CADM2: variants seen among roughly 807,000 people sequenced by gnomAD.
CADM2 encodes the protein cell adhesion molecule 2, also known as immunoglobulin superfamily member 4D.
Under a neutral mutation model 49.8 loss-of-function variants are expected in CADM2, and 12 were observed. That is an observed-to-expected ratio of 0.24 (90% CI 0.15 to 0.39). The LOEUF is 0.39. Among genes scored for constraint, CADM2 ranks in the 10% least tolerant of loss-of-function variants. CADM2 has a pLI of 1.00. For synonymous variants in CADM2, 214 were observed against 175.4 expected, an observed-to-expected ratio of 1.22 and a Z score of -1.74; for missense variants, 378 against 492.3, an observed-to-expected ratio of 0.77 and a Z score of 2.20.
chr3:85,805,929 T>G (rs1164078212), intron 3 of CADM2, among the ~76,000 whole-genome samples: 1 of 152,238 alleles, frequency 6.6e-6, no homozygotes, highest in African/African-American at 2.4e-5. Context: ...TCTCAGATTG[T>G]GCTTCCAGTG....
intron 1 of CADM2, among the ~76,000 whole-genome samples, chr3:85,291,873 G>A (rs2043807680): frequency 6.7e-6 from 1 of 150,062 alleles, no homozygotes; most frequent in Non-Finnish European, 1.5e-5. Context: ...GGAAGAAACT[G>A]CATCAACTAA....
intron 1 of CADM2, among the ~76,000 whole-genome samples, chr3:85,125,748 A>T (rs1179307322): frequency 6.6e-6 from 1 of 152,212 alleles, no homozygotes; most frequent in Non-Finnish European, 1.5e-5. Context: ...ATAATTCATA[A>T]CTGTAGCATC....
At chr3:85,429,955 T>C (rs1259867486) in intron 1 of CADM2, among the ~76,000 whole-genome samples, 1 of 152,168 alleles carries the variant, frequency 6.6e-6, no homozygotes, top group East Asian at 1.9e-4. Flanking sequence ...TGAGTTCTGA[T>C]TTAAAATGGT....
At chr3:85,287,143 G>A (rs985240111) in intron 1 of CADM2, among the ~76,000 whole-genome samples, 1 of 152,028 alleles carries the variant, frequency 6.6e-6, no homozygotes, top group African/African-American at 2.4e-5. Context: ...GCAACCTCTT[G>A]AATAAGAAAT....
chr3:85,994,547 A>G (rs1449751554), intron 8 of CADM2: 2 of 152,258 alleles, frequency 1.3e-5, no homozygotes, highest in Admixed American at 6.5e-5. Flanking sequence ...CAAGACGTGT[A>G]GCTTTCAGCC....
intron 1 of CADM2, among the ~76,000 whole-genome samples, chr3:85,298,031 G>A (rs58725437): frequency 0.066 from 10,052 of 151,982 alleles, 1,090 homozygotes; most frequent in African/African-American, 0.23. Context: ...TCAAAATGAT[G>A]TTCCAGTTTA....
At chr3:85,140,878 T>A (rs1387653052) in intron 1 of CADM2, among the ~76,000 whole-genome samples, 2 of 152,216 alleles carry the variant, frequency 1.3e-5, no homozygotes, top group Non-Finnish European at 1.5e-5. Flanking sequence ...ACTTTGGTTA[T>A]CTAAATTAGC....
chr3:85,757,883 G>C (rs1289043067), intron 2 of CADM2, among the ~76,000 whole-genome samples: 2 of 152,124 alleles, frequency 1.3e-5, no homozygotes, highest in African/African-American at 4.8e-5. Context: ...AGTTTTAGTA[G>C]AGTGGGTTAC....
At chr3:85,855,585 C>CATATATATATATAAAACAT (rs1213391570) in intron 3 of CADM2, among the ~76,000 whole-genome samples, 13 of 120,176 alleles carry the variant, frequency 1.1e-4, no homozygotes, top group East Asian at 7.0e-4. Context: ...ATATAAAAAA[C>CATATATATATATAAAACAT]ATATATATAT....
chr3:85,223,401 C>A (rs2042083050), intron 1 of CADM2, among the ~76,000 whole-genome samples: 1 of 152,052 alleles, frequency 6.6e-6, no homozygotes, highest in African/African-American at 2.4e-5. Context: ...AATAATCATT[C>A]ATCCTATCTC....
intron 1 of CADM2, among the ~76,000 whole-genome samples, chr3:85,322,831 C>T (rs1414713656): frequency 6.6e-6 from 1 of 152,138 alleles, no homozygotes; most frequent in Admixed American, 6.6e-5. Flanking sequence ...AGAGCAGAAA[C>T]TCTTGAATGG....
At chr3:85,495,058 G>C (rs1015092116) in intron 1 of CADM2, among the ~76,000 whole-genome samples, 2 of 152,068 alleles carry the variant, frequency 1.3e-5, no homozygotes, top group African/African-American at 4.8e-5. Context: ...TTATTTTTGG[G>C]GGTAGAATAT....
intron 1 of CADM2, among the ~76,000 whole-genome samples, chr3:85,247,952 G>C (rs775118782): frequency 1.1e-4 from 17 of 152,000 alleles, no homozygotes; most frequent in Non-Finnish European, 2.4e-4. Flanking sequence ...TTATTCATTA[G>C]AATTATTAAA....
At chr3:85,304,908 C>A (rs539081235) in intron 1 of CADM2, among the ~76,000 whole-genome samples, 7 of 151,646 alleles carry the variant, frequency 4.6e-5, no homozygotes, top group African/African-American at 1.7e-4. Flanking sequence ...AAACACAATA[C>A]CTTGTCCAAT....
chr3:85,269,136 A>C (rs2043180503), intron 1 of CADM2, among the ~76,000 whole-genome samples: 1 of 151,384 alleles, frequency 6.6e-6, no homozygotes, highest in African/African-American at 2.4e-5. Flanking sequence ...GAATGAAATT[A>C]ACACAAAATC....
chr3:85,985,613 G>A (rs1351641579), intron 8 of CADM2, among the ~76,000 whole-genome samples: 5 of 151,958 alleles, frequency 3.3e-5, no homozygotes, highest in African/African-American at 1.2e-4. Flanking sequence ...CCCATATAAT[G>A]CCATTGTATT....
At chr3:85,572,585 T>A (rs2062511983) in intron 1 of CADM2, among the ~76,000 whole-genome samples, 1 of 152,106 alleles carries the variant, frequency 6.6e-6, no homozygotes, top group East Asian at 1.9e-4. Context: ...TGCTTGTTAT[T>A]TGTCTTGGTT....
intron 1 of CADM2, among the ~76,000 whole-genome samples, chr3:85,712,535 A>AT (rs1489265839): frequency 6.6e-6 from 1 of 152,190 alleles, no homozygotes; most frequent in African/African-American, 2.4e-5. Context: ...TACCTAATAC[A>AT]TTTTCTGAAA....
chr3:85,691,893 C>T (rs1200855325), intron 1 of CADM2, among the ~76,000 whole-genome samples: 1 of 151,994 alleles, frequency 6.6e-6, no homozygotes, highest in African/African-American at 2.4e-5. Context: ...CCAAACACCG[C>T]ATGTTCTCAC....
Sources: gnomAD v4.1 joint callset for allele counts (sites outside exome capture counted in the v4.1 genomes callset) on GRCh38, gnomAD v4.1.1 for gene constraint, MANE v1.5 for transcripts, NCBI Gene and HGNC (gene_info 2026-07-23, HGNC 2026-07-21) for gene names.